CAST: variants seen among roughly 807,000 people sequenced by gnomAD.
CAST encodes MIR583 host.
CAST carries 76 observed loss-of-function variants against 119.6 expected under a neutral mutation model. The ratio of observed to expected loss-of-function variants is 0.64; its 90% CI spans 0.53 to 0.77. The LOEUF (loss-of-function observed/expected upper bound fraction) is 0.77, where lower values mean the gene tolerates loss of function less well. Among genes scored for constraint, CAST ranks in the 30% least tolerant of loss-of-function variants. The pLI is 0.00. For missense variants in CAST, 953 were observed against 946.5 expected, an observed-to-expected ratio of 1.01 and a Z score of -0.09; for synonymous variants, 319 against 331.6, an observed-to-expected ratio of 0.96 and a Z score of 0.41.
At chr5:96,425,939 AT>A in the CAST span, 3 of 1,539,038 alleles carry the variant, frequency 1.9e-6, no homozygotes, top group Non-Finnish European at 1.8e-6. Context: ...ACCTACAAGG[AT>A]TTTTATAGCA....
chr5:96,230,532 T>C, the CAST span, among the ~76,000 whole-genome samples: 1 of 152,254 alleles, frequency 6.6e-6, no homozygotes, highest in East Asian at 1.9e-4. Flanking sequence ...ATAATTATGA[T>C]AATAAAACTC....
chr5:96,302,775 C>T, the CAST span, among the ~76,000 whole-genome samples: 1 of 152,232 alleles, frequency 6.6e-6, no homozygotes, highest in Non-Finnish European at 1.5e-5. Flanking sequence ...CTGAGACCAC[C>T]TTAGCCTGGA....
chr5:96,410,028 A>T, the CAST span, among the ~76,000 whole-genome samples: 109 of 152,302 alleles, frequency 7.2e-4, 1 homozygote, highest in African/African-American at 2.6e-3. Flanking sequence ...GGATCTATAT[A>T]CTTTAGCTAG....
chr5:96,448,038 A>AG, the CAST span, among the ~76,000 whole-genome samples: 2 of 151,990 alleles, frequency 1.3e-5, no homozygotes, highest in African/African-American at 4.8e-5. Flanking sequence ...AGATAAAACC[A>AG]GGGCCATTCT....
the CAST span, among the ~76,000 whole-genome samples, chr5:96,431,385 C>G: frequency 6.6e-6 from 1 of 152,204 alleles, no homozygotes; most frequent in Admixed American, 6.5e-5. Flanking sequence ...TCACCCCTCC[C>G]GAATTCCCTA....
At chr5:96,394,258 A>G in the CAST span, among the ~76,000 whole-genome samples, 2 of 152,234 alleles carry the variant, frequency 1.3e-5, no homozygotes, top group Non-Finnish European at 2.9e-5. Context: ...TTTTCTCACC[A>G]TCTGATAGAA....
At chr5:96,403,837 T>C in the CAST span, among the ~76,000 whole-genome samples, 5,654 of 152,260 alleles carry the variant, frequency 0.037, 302 homozygotes, top group African/African-American at 0.12. Flanking sequence ...ACTTTTTTGT[T>C]GTGATTTTTT....
chr5:96,266,505 T>G, the CAST span, among the ~76,000 whole-genome samples: 1 of 152,028 alleles, frequency 6.6e-6, no homozygotes, highest in South Asian at 2.1e-4. Context: ...CAAATCAGAG[T>G]GACTGTTCAG....
At chr5:96,534,111 T>C (rs553473913) in intron 1 of CAST, among the ~76,000 whole-genome samples, 1 of 152,304 alleles carries the variant, frequency 6.6e-6, no homozygotes, top group African/African-American at 2.4e-5. Context: ...TACTTAAAGT[T>C]TTTCTGATGA....
chr5:96,648,717 CGTGTGTGT>C (rs72068689), intron 1 of CAST, among the ~76,000 whole-genome samples: 7 of 148,910 alleles, frequency 4.7e-5, no homozygotes, highest in Admixed American at 3.3e-4. Flanking sequence ...TATATATATG[CGTGTGTGT>C]GTGTGTGTGT....
chr5:96,579,528 C>A (rs914973899), intron 1 of CAST, among the ~76,000 whole-genome samples: 2 of 152,060 alleles, frequency 1.3e-5, no homozygotes, highest in African/African-American at 4.8e-5. Flanking sequence ...GAGAAATGAG[C>A]CAACTTGGGC....
intron 1 of CAST, among the ~76,000 whole-genome samples, chr5:96,568,648 A>G (rs984899331): frequency 3.3e-5 from 5 of 151,162 alleles, no homozygotes; most frequent in Non-Finnish European, 5.9e-5. Flanking sequence ...ATATTCTGGC[A>G]TTATATTTTG....
chr5:96,038,725 T>G, the CAST span, among the ~76,000 whole-genome samples: 1 of 152,198 alleles, frequency 6.6e-6, no homozygotes, highest in African/African-American at 2.4e-5. Flanking sequence ...GGCTGCATAG[T>G]ATGCCATGGT....
the CAST span, among the ~76,000 whole-genome samples, chr5:96,291,778 T>A: frequency 2.0e-5 from 3 of 151,380 alleles, 1 homozygote; most frequent in Admixed American, 2.0e-4. Context: ...ACCCATAGGA[T>A]CCTCCCTGTA....
At chr5:96,106,324 A>C in the CAST span, among the ~76,000 whole-genome samples, 5 of 152,078 alleles carry the variant, frequency 3.3e-5, no homozygotes, top group Admixed American at 2.6e-4. Flanking sequence ...TAGGGTGTCA[A>C]TTTTGGATCT....
the CAST span, among the ~76,000 whole-genome samples, chr5:96,034,512 T>TCACACACACACACAC: frequency 6.9e-4 from 12 of 17,480 alleles, no homozygotes; most frequent in Non-Finnish European, 4.9e-4. Flanking sequence ...CACACATATG[T>TCACACACACACACAC]GTGTGTGTAT....
chr5:96,036,651 T>C, the CAST span, among the ~76,000 whole-genome samples: 1 of 152,166 alleles, frequency 6.6e-6, no homozygotes, highest in Non-Finnish European at 1.5e-5. Flanking sequence ...GCTGAATCTC[T>C]AGTGAATAGG....
chr5:96,093,133 A>G, the CAST span, among the ~76,000 whole-genome samples: 1 of 152,134 alleles, frequency 6.6e-6, no homozygotes, highest in African/African-American at 2.4e-5. Context: ...ACATTTCTCA[A>G]ATTAAAATAA....
chr5:96,485,842 C>A, the CAST span, among the ~76,000 whole-genome samples: 3 of 152,216 alleles, frequency 2.0e-5, no homozygotes, highest in East Asian at 3.9e-4. Flanking sequence ...ATGGAAGCAT[C>A]CTTATTTGTG....
Sources: allele counts gnomAD v4.1 joint callset (sites outside exome capture counted in the v4.1 genomes callset), GRCh38; gene constraint gnomAD v4.1.1; transcripts MANE v1.5; gene names NCBI Gene and HGNC (gene_info 2026-07-23, HGNC 2026-07-21).